The following ZNF791 variants were observed in gnomAD, a reference collection of about 807,000 sequenced individuals.
The protein encoded by ZNF791 is zinc finger protein 791.
Under a neutral mutation model 11.5 loss-of-function variants are expected in ZNF791, and 4 were observed. The observed-to-expected ratio is 0.35, with a 90% CI of 0.17 to 0.80. The LOEUF is 0.80. ZNF791 is among the 30% of genes least tolerant of loss of function. The pLI is 0.53. For missense variants in ZNF791, 559 were observed against 699.4 expected, an observed-to-expected ratio of 0.80 and a Z score of 2.26; for synonymous variants, 212 against 228.1, an observed-to-expected ratio of 0.93 and a Z score of 0.64.
At chr19:12,612,634 T>TA (rs1555702323) in intron 1 of ZNF791, among the ~76,000 whole-genome samples, 1 of 144,984 alleles carries the variant, frequency 6.9e-6, no homozygotes, top group Non-Finnish European at 1.5e-5. Context: ...TTTTTTTTTT[T>TA]AGTAGAGAGT....
At chr19:12,614,711 C>T (rs2023213479) in intron 1 of ZNF791, among the ~76,000 whole-genome samples, 1 of 151,428 alleles carries the variant, frequency 6.6e-6, no homozygotes, top group South Asian at 2.1e-4. Flanking sequence ...TCTTCTGCCT[C>T]AGCCTCCCAG....
chr19:12,617,703 C>T (rs1171371518), intron 1 of ZNF791, among the ~76,000 whole-genome samples: 4 of 151,184 alleles, frequency 2.6e-5, no homozygotes, highest in South Asian at 4.2e-4. Context: ...TTAATTAAAC[C>T]CAGTTGTTGC....
rs2023466935 is a variant in ZNF791, at chr19:12,629,021, T to C, written c.1492T>C (p.Cys498Arg). The C allele has an allele frequency of 1.2e-6, 2 of 1,613,732 alleles. No individual in the cohort carries two copies. The highest frequency in any genetic ancestry group is 1.7e-6 in the Non-Finnish European group (2 of 1,179,918). ...RTHTGEKPYE[C>R]KECGKAFIYP... ...TCACACTGGGGAGAAACCTTATGAA[T>C]GTAAGGAATGCGGGAAGGCCTTTAT... The change falls in exon 4 of 4, where the codon TGT becomes CGT. Residue 498 changes from cysteine to arginine, a missense_variant. Coordinates refer to ENST00000343325, the MANE Select transcript of ZNF791 (RefSeq NM_153358.3).
chr19:12,633,575 G>A lies in ZNF791; in HGVS notation c.*4315G>A, dbSNP rs915245133. The stretch of plus-strand genomic sequence containing the variant: ...GCTTGACTTCCATTCTCAAAGAGAT[G>A]TGTTGGTTTCCACAGTTGTCTCCAC... On this transcript the variant is annotated 3_prime_UTR_variant, in exon 4 of 4. Coordinates refer to ENST00000343325, the MANE Select transcript of ZNF791 (RefSeq NM_153358.3). The A allele has an allele frequency of 1.1e-4, 17 of 152,182 alleles. No homozygotes were observed. The highest frequency in any genetic ancestry group is 2.6e-4 in the Admixed American group (4 of 15,268). 9.4% of individuals were successfully genotyped at this position (152,182 alleles called of 1,614,324 possible). A position where few individuals can be genotyped will look rare whatever the true frequency, so the allele number is the denominator to read the frequency against.
intron 1 of ZNF791, 144 bp downstream of exon 1, chr19:12,611,226 G>A (rs973874864): frequency 2.6e-6 from 3 of 1,156,152 alleles, no homozygotes; most frequent in Non-Finnish European, 2.4e-6. Context: ...GGCGACTGCG[G>A]TCCCAGCCCC....
In ZNF791 at chr19:12,611,065, C is replaced by A. The variant is rs1166931770; in HGVS notation, c.-15C>A. 6.2e-7 allele frequency: 1 copy of A among 1,614,174 alleles called. No homozygotes were observed. Among genetic ancestry groups the A allele is most frequent in the Admixed American group, 1.7e-5 (1 of 60,014 alleles). On this transcript the variant is annotated 5_prime_UTR_variant, in exon 1 of 4. Coordinates refer to ENST00000343325, the MANE Select transcript of ZNF791 (RefSeq NM_153358.3). Reference sequence around the variant, plus strand: ...AACCTTAGGGACAACACCGGGACACCCGCGAGGCCGGAAAATGGTGAGTGT... The same window carrying A: ...AACCTTAGGGACAACACCGGGACACACGCGAGGCCGGAAAATGGTGAGTGT...
chr19:12,623,682 T>C lies in ZNF791; in HGVS notation c.4-18T>C. The C allele has an allele frequency of 6.2e-7, 1 of 1,613,832 alleles. No homozygotes were observed. Among genetic ancestry groups the C allele is most frequent in the Admixed American group, 1.7e-5 (1 of 59,928 alleles). ...CTTGTCAATCTCACCTATTCTCTAC[T>C]TATATTGGATGTTTCAGGACTCAGT... On this transcript the variant is annotated intron_variant, in intron 1 of 3. Transcript: ENST00000343325.
At chr19:12,625,796 AAAAG>A (rs1430668384) in intron 3 of ZNF791, among the ~76,000 whole-genome samples, 6 of 150,866 alleles carry the variant, frequency 4.0e-5, no homozygotes, top group Non-Finnish European at 4.4e-5. Flanking sequence ...AAAAAAAAAA[AAAAG>A]AAGAAGAAGA....
chr19:12,617,914 T>C (rs1194045325), intron 1 of ZNF791, among the ~76,000 whole-genome samples: 1 of 105,356 alleles, frequency 9.5e-6, no homozygotes, highest in Non-Finnish European at 1.8e-5. Flanking sequence ...TAAATTTTGC[T>C]TTTTTTTTTT....
At chr19:12,611,623 C>A (rs1265547451) in intron 1 of ZNF791, among the ~76,000 whole-genome samples, 1 of 152,078 alleles carries the variant, frequency 6.6e-6, no homozygotes, top group Non-Finnish European at 1.5e-5. Context: ...AATCTTTTTT[C>A]CAATAGATGC....
chr19:12,618,218 A>T (rs916761848), intron 1 of ZNF791, among the ~76,000 whole-genome samples: 1 of 152,086 alleles, frequency 6.6e-6, no homozygotes, highest in Admixed American at 6.6e-5. Flanking sequence ...ACGTCCACCA[A>T]CCATCTATTC....
intron 1 of ZNF791, among the ~76,000 whole-genome samples, chr19:12,619,111 T>C (rs1429071629): frequency 6.6e-6 from 1 of 151,918 alleles, no homozygotes; most frequent in Non-Finnish European, 1.5e-5. Context: ...CCCAAAGTGC[T>C]AGGGATTACA....
chr19:12,620,542 T>C (rs547904995), intron 1 of ZNF791, among the ~76,000 whole-genome samples: 2 of 152,242 alleles, frequency 1.3e-5, no homozygotes, highest in East Asian at 1.9e-4. Context: ...GGCATGCAGA[T>C]GGACTTGTCA....
intron 1 of ZNF791, among the ~76,000 whole-genome samples, chr19:12,618,224 T>C (rs1024538363): frequency 1.3e-5 from 2 of 152,172 alleles, no homozygotes; most frequent in African/African-American, 2.4e-5. Context: ...ACCAACCATC[T>C]ATTCTTTTTC....
Position 12,628,489 on chromosome 19 carries a change from A to T in ZNF791, c.960A>T (p.Arg320Ser). 2 of 1,612,584 alleles carry T rather than the reference A, an allele frequency of 1.2e-6. No individual in the cohort carries two copies. The highest frequency in any genetic ancestry group is 1.7e-6 in the Non-Finnish European group (2 of 1,179,324). The change falls in exon 4 of 4, where the codon AGA becomes AGT. Residue 320 changes from arginine (R) to serine (S), a missense_variant. Coordinates refer to ENST00000343325, the MANE Select transcript of ZNF791 (RefSeq NM_153358.3). ...RCSTSIQIHE[R>S]IHTGEKPYKC... ...CCACCTCCATTCAAATTCATGAAAG[A>T]ATTCATACTGGAGAGAAGCCCTATA...
Position 12,628,962 on chromosome 19 carries a change from G to A in ZNF791, c.1433G>A (p.Ser478Asn), listed in dbSNP as rs753386666. The A allele has an allele frequency of 5.0e-6, 8 of 1,613,792 alleles. No homozygotes were observed. The highest frequency in any genetic ancestry group is 6.8e-6 in the Non-Finnish European group (8 of 1,179,918). Residue 478 changes from serine (S) to asparagine (N), a missense_variant, in exon 4 of 4, where the codon AGT (serine) becomes AAT (asparagine). Transcript: ENST00000343325. ...YECKQCGKAF[S>N]CSSYIRIHKR... The stretch of plus-strand genomic sequence containing the variant: ...TGTAAACAATGTGGAAAAGCCTTTA[G>A]TTGTTCTAGTTACATTCGGATACAT...
intron 1 of ZNF791, among the ~76,000 whole-genome samples, chr19:12,612,750 C>T (rs1368697859): frequency 2.7e-5 from 4 of 150,632 alleles, no homozygotes; most frequent in South Asian, 2.1e-4. Context: ...TGAGCCACCA[C>T]GCCAGGCCTT....
At position 12,628,575 on chromosome 19, in the gene ZNF791, T is replaced by G. The variant is rs2023461094; in HGVS notation, c.1046T>G (p.Val349Gly). 6.3e-7 allele frequency: 1 copy of G among 1,598,460 alleles called. No individual in the cohort carries two copies. Among genetic ancestry groups the G allele is most frequent in the Non-Finnish European group, 8.5e-7 (1 of 1,173,500 alleles). Residue 349 changes from valine (V) to glycine (G), a missense_variant, in exon 4 of 4, where the codon GTG (valine) becomes GGG (glycine). Coordinates refer to ENST00000343325, the MANE Select transcript of ZNF791 (RefSeq NM_153358.3). Reference sequence around the variant, plus strand: ...CCAGCCTTTCGAGTACACGTGAGAGTGCATACTGGAGAGAAACCCTATAAG... The same window carrying G: ...CCAGCCTTTCGAGTACACGTGAGAGGGCATACTGGAGAGAAACCCTATAAG... ...ARPAFRVHVR[V>G]HTGEKPYKCK...
In ZNF791 at chr19:12,629,563, C is replaced by G. The variant is rs951399123; in HGVS notation, c.*303C>G. ...TAAGTGTTTATGGTGCTGGTGTAAA[C>G]GTGCTGCACTTTCAGTTGTATAAAA... is the stretch of plus-strand genomic sequence containing the variant. On this transcript the variant is annotated 3_prime_UTR_variant, in exon 4 of 4. Coordinates refer to ENST00000343325, the MANE Select transcript of ZNF791 (RefSeq NM_153358.3). 1.6e-4 allele frequency: 31 copies of G among 193,154 alleles called. No homozygotes were observed. The highest frequency in any genetic ancestry group is 6.5e-4 in the African/African-American group (28 of 42,932). 12.0% of individuals were successfully genotyped at this position (193,154 alleles called of 1,614,324 possible). A position where few individuals can be genotyped will look rare whatever the true frequency, so the allele number is the denominator to read the frequency against.
Sources: gnomAD v4.1 joint callset for allele counts (sites outside exome capture counted in the v4.1 genomes callset) on GRCh38, gnomAD v4.1.1 for gene constraint, MANE v1.5 for transcripts, NCBI Gene and HGNC (gene_info 2026-07-23, HGNC 2026-07-21) for gene names.